The following ZFHX3 variants were observed in gnomAD, a reference collection of about 807,000 sequenced individuals.
ZFHX3 encodes the protein zinc finger homeobox 3, also known as zinc finger homeobox protein 3.
Under a neutral mutation model 279.1 loss-of-function variants are expected in ZFHX3, and 42 were observed. That is an observed-to-expected ratio of 0.15 (90% CI 0.12 to 0.19). The LOEUF is 0.19. Ranked by LOEUF, ZFHX3 falls within the 10% of genes least tolerant of loss-of-function variation. ZFHX3 has a pLI of 1.00. For synonymous variants in ZFHX3, 2,293 were observed against 1,957.8 expected (o/e 1.17, Z -4.52); for missense variants, 4,981 against 4,754.0 (o/e 1.05, Z -1.40).
rs551773929 is a variant in ZFHX3 at position 73,688,947 on chromosome 16, C to T, written c.-1607-8707G>A. ...CTTCCACCATGATTGTGAGGCCTCC[C>T]CAGCCATGTGGAACTGTGAGTCCAT... On this transcript the variant is annotated intron_variant, in intron 1 of 17. Coordinates refer to the ZFHX3 transcript ENST00000641206. Among the ~76,000 whole-genome samples, 3 of 152,252 alleles carry T rather than the reference C, an allele frequency of 2.0e-5. No homozygotes were observed. The East Asian group carries it at 5.8e-4, about 29-fold the overall frequency.
chr16:72,816,379 A>C (rs1455034342), intron 5 of ZFHX3, among the ~76,000 whole-genome samples: 1 of 152,182 alleles, frequency 6.6e-6, no homozygotes, highest in Non-Finnish European at 1.5e-5. Context: ...AAGGGGATAA[A>C]AATGTGGTAA....
chr16:73,445,796 T>A (rs768051894), intron 3 of ZFHX3, among the ~76,000 whole-genome samples: 8 of 152,052 alleles, frequency 5.3e-5, no homozygotes, highest in Non-Finnish European at 1.2e-4. Flanking sequence ...GGAGCAGGTG[T>A]CCAAATGCAC....
intron 4 of ZFHX3, among the ~76,000 whole-genome samples, chr16:73,273,270 AC>A (rs1171806456): frequency 1.3e-5 from 2 of 152,232 alleles, no homozygotes; most frequent in African/African-American, 4.8e-5. Flanking sequence ...CATTTGAAAA[AC>A]ATTTATGAAA....
intron 3 of ZFHX3, among the ~76,000 whole-genome samples, chr16:73,406,201 G>C (rs1041397842): frequency 6.6e-6 from 1 of 152,224 alleles, no homozygotes; most frequent in Non-Finnish European, 1.5e-5. Flanking sequence ...TTGGCACCAG[G>C]AGCTGTTTCC....
At chr16:73,294,252 G>T (rs934063801) in intron 4 of ZFHX3, 3 of 152,152 alleles carry the variant, frequency 2.0e-5, no homozygotes, top group Admixed American at 1.3e-4. Flanking sequence ...TGGAAGGTGG[G>T]TGTCATCGGT....
At chr16:73,330,427 T>G (rs973789512) in intron 3 of ZFHX3, among the ~76,000 whole-genome samples, 1 of 152,204 alleles carries the variant, frequency 6.6e-6, no homozygotes. Flanking sequence ...TAGAGGATCA[T>G]GCAAAGTGAA....
chr16:73,117,252 G>A (rs1038202361), intron 7 of ZFHX3, among the ~76,000 whole-genome samples: 1 of 151,404 alleles, frequency 6.6e-6, no homozygotes, highest in African/African-American at 2.4e-5. Context: ...CAACAGAATA[G>A]AAACTATTAG....
At chr16:73,190,000 TG>T (rs1369961192) in intron 5 of ZFHX3, among the ~76,000 whole-genome samples, 1 of 152,200 alleles carries the variant, frequency 6.6e-6, no homozygotes, top group Admixed American at 6.5e-5. Context: ...GGTGATGTTA[TG>T]GGCTCACCAA....
intron 2 of ZFHX3, among the ~76,000 whole-genome samples, chr16:73,476,384 TG>T (rs1306217320): frequency 6.6e-6 from 1 of 152,178 alleles, no homozygotes; most frequent in Admixed American, 6.5e-5. Flanking sequence ...ACGTGTAGGT[TG>T]ATTTACAAAG....
chr16:73,074,257 C>T (rs1461036770), intron 8 of ZFHX3, among the ~76,000 whole-genome samples: 4 of 152,194 alleles, frequency 2.6e-5, no homozygotes, highest in Non-Finnish European at 5.9e-5. Context: ...TCACGCGGAC[C>T]CTGTCCCAGG....
chr16:73,822,550 A>G (rs999937154), intron 1 of ZFHX3, among the ~76,000 whole-genome samples: 1 of 152,024 alleles, frequency 6.6e-6, no homozygotes, highest in African/African-American at 2.4e-5. Context: ...AAAGAACACT[A>G]TAATGCTTTA....
chr16:73,112,427 A>G (rs992805057), intron 7 of ZFHX3, among the ~76,000 whole-genome samples: 2 of 152,026 alleles, frequency 1.3e-5, no homozygotes, highest in African/African-American at 4.8e-5. Flanking sequence ...AAAAATTTTA[A>G]AAAGGCCGAA....
At chr16:73,240,757 A>G (rs2013096955) in intron 5 of ZFHX3, among the ~76,000 whole-genome samples, 1 of 152,208 alleles carries the variant, frequency 6.6e-6, no homozygotes, top group Admixed American at 6.5e-5. Flanking sequence ...CTAAATTTCA[A>G]TGAGTAGGTG....
At chr16:73,339,442 A>G (rs930592178) in intron 3 of ZFHX3, among the ~76,000 whole-genome samples, 2 of 152,264 alleles carry the variant, frequency 1.3e-5, no homozygotes, top group African/African-American at 4.8e-5. Context: ...TATTTGTTAA[A>G]TGAACTCAAA....
In ZFHX3 at chr16:72,788,806, G is replaced by A; in HGVS notation, c.9470C>T (p.Thr3157Ile). ...GGGGAGGCCAGGGGAAGGAACAGTT[G>A]TGCTGGGCAGACCCATCAAGTTCGG... ...PKPNLMGLPSTTVPSPGLPTS... is the reference protein window; with the variant it reads ...PKPNLMGLPSITVPSPGLPTS... The change falls in exon 10 of 10, where the codon ACA becomes ATA. Residue 3157 changes from threonine (T) to isoleucine (I), a missense_variant. Thr to Ile is a moderately conservative substitution (Grantham distance 89). Around this residue, in one of 7 missense-constraint regions of ZFHX3, gnomAD observed 1,034 missense variants for 786.0 expected, o/e 1.32. Coordinates refer to ENST00000268489, the MANE Select transcript of ZFHX3 (RefSeq NM_006885.4). The A allele has an allele frequency of 2.0e-6, 3 of 1,538,104 alleles. No homozygotes were observed. Among genetic ancestry groups the A allele is most frequent in the South Asian group, 1.3e-5 (1 of 76,924 alleles).
chr16:73,512,942 G>A (rs916781387), intron 2 of ZFHX3, among the ~76,000 whole-genome samples: 11 of 152,202 alleles, frequency 7.2e-5, no homozygotes, highest in African/African-American at 1.4e-4. Flanking sequence ...GAAACCCATC[G>A]GTGGCTGACC....
intron 2 of ZFHX3, among the ~76,000 whole-genome samples, chr16:73,641,987 T>G (rs568564681): frequency 2.5e-3 from 377 of 152,180 alleles, no homozygotes; most frequent in African/African-American, 8.8e-3. Context: ...CACATGCTCC[T>G]CCGACTCCTC....
At chr16:72,813,998 C>T (rs1275949566) in intron 5 of ZFHX3, among the ~76,000 whole-genome samples, 1 of 152,182 alleles carries the variant, frequency 6.6e-6, no homozygotes, top group East Asian at 1.9e-4. Context: ...TATTCTCCAT[C>T]ATTTTGATTT....
intron 5 of ZFHX3, among the ~76,000 whole-genome samples, chr16:73,147,176 G>A (rs1035640580): frequency 1.3e-5 from 2 of 152,166 alleles, no homozygotes; most frequent in Non-Finnish European, 2.9e-5. Flanking sequence ...GGCATGACTC[G>A]AGGTACTACT....
Sources: allele counts gnomAD v4.1 joint callset (sites outside exome capture counted in the v4.1 genomes callset), GRCh38; gene constraint gnomAD v4.1.1; regional missense constraint gnomAD v4.1.1; transcripts MANE v1.5; gene names NCBI Gene and HGNC (gene_info 2026-07-23, HGNC 2026-07-21).